The following KCNAB1 variants were observed in gnomAD, a reference collection of about 807,000 sequenced individuals.
KCNAB1 encodes voltage-gated potassium channel subunit beta-1.
KCNAB1 carries 35 observed loss-of-function variants against 64.6 expected under a neutral mutation model. The observed-to-expected ratio is 0.54, with a 90% CI of 0.41 to 0.72. KCNAB1 has a LOEUF of 0.72. Among genes scored for constraint, KCNAB1 ranks in the 30% least tolerant of loss-of-function variants. The pLI, the probability that KCNAB1 is intolerant of heterozygous loss-of-function variation, is 0.00. For missense variants in KCNAB1, 401 were observed against 512.9 expected (o/e 0.78, Z 2.11); for synonymous variants, 177 against 183.8 (o/e 0.96, Z 0.30).
chr3:156,504,320 C>A (rs1716664963), intron 8 of KCNAB1, among the ~76,000 whole-genome samples: 1 of 152,084 alleles, frequency 6.6e-6, no homozygotes, highest in South Asian at 2.1e-4. Context: ...TGTTGATGAA[C>A]ACTTAGGTTG....
chr3:156,314,174 A>G (rs1256470573), intron 1 of KCNAB1, among the ~76,000 whole-genome samples: 3 of 152,356 alleles, frequency 2.0e-5, no homozygotes, highest in East Asian at 1.9e-4. Flanking sequence ...AGCATATGCT[A>G]TATACTGGGC....
intron 1 of KCNAB1, among the ~76,000 whole-genome samples, chr3:156,299,123 T>A (rs2107983609): frequency 6.6e-6 from 1 of 152,324 alleles, no homozygotes; most frequent in East Asian, 1.9e-4. Context: ...CAAAGTGAGG[T>A]CCTGACTCCA....
intron 1 of KCNAB1, among the ~76,000 whole-genome samples, chr3:156,204,747 C>T (rs893694625): frequency 6.6e-6 from 1 of 152,074 alleles, no homozygotes; most frequent in East Asian, 1.9e-4. Flanking sequence ...GCACGAGAAT[C>T]GTTGGAACCC....
chr3:156,383,232 T>C (rs1486637240), intron 1 of KCNAB1, among the ~76,000 whole-genome samples: 4 of 152,208 alleles, frequency 2.6e-5, no homozygotes, highest in Non-Finnish European at 4.4e-5. Flanking sequence ...TTCCCAAGGG[T>C]CAATTCAAGT....
intron 1 of KCNAB1, among the ~76,000 whole-genome samples, chr3:156,419,518 A>G (rs1715329258): frequency 6.6e-6 from 1 of 151,832 alleles, no homozygotes; most frequent in Non-Finnish European, 1.5e-5. Flanking sequence ...AAGAAAAAAA[A>G]AAAAAAAGAA....
chr3:156,243,117 T>C (rs1252492399), intron 1 of KCNAB1, among the ~76,000 whole-genome samples: 1 of 151,550 alleles, frequency 6.6e-6, no homozygotes, highest in Admixed American at 6.6e-5. Flanking sequence ...ACCATGTTGG[T>C]CAGGCTGGTC....
intron 1 of KCNAB1, among the ~76,000 whole-genome samples, chr3:156,177,840 A>C (rs1401602020): frequency 1.3e-5 from 2 of 151,888 alleles, no homozygotes; most frequent in African/African-American, 4.8e-5. Context: ...TGCCGGGTTC[A>C]AACGATTCTC....
At chr3:156,181,182 C>A (rs1712788921) in intron 1 of KCNAB1, among the ~76,000 whole-genome samples, 1 of 152,174 alleles carries the variant, frequency 6.6e-6, no homozygotes, top group Admixed American at 6.5e-5. Context: ...CAAGCACATT[C>A]TGACATACTG....
intron 8 of KCNAB1, among the ~76,000 whole-genome samples, chr3:156,510,820 C>A (rs1018531610): frequency 6.6e-6 from 1 of 152,214 alleles, no homozygotes; most frequent in Non-Finnish European, 1.5e-5. Context: ...GTGCCCTCTG[C>A]TCTTGGTCTG....
At chr3:156,130,247 C>T (rs1276543008) in intron 1 of KCNAB1, among the ~76,000 whole-genome samples, 4 of 152,226 alleles carry the variant, frequency 2.6e-5, no homozygotes, top group Non-Finnish European at 1.5e-5. Context: ...ATGGGCTCTA[C>T]GTCAGCTTAG....
At chr3:156,461,829 CTAT>C (rs1287692983) in intron 5 of KCNAB1, among the ~76,000 whole-genome samples, 2 of 152,158 alleles carry the variant, frequency 1.3e-5, no homozygotes, top group Non-Finnish European at 2.9e-5. Context: ...AAAACTCAAG[CTAT>C]TATTATACTC....
chr3:156,354,663 C>G (rs1291514310), intron 1 of KCNAB1, among the ~76,000 whole-genome samples: 1 of 148,662 alleles, frequency 6.7e-6, no homozygotes, highest in Non-Finnish European at 1.5e-5. Context: ...CAGATGCTGT[C>G]TCTAATGGAG....
chr3:156,449,716 A>G (rs114943111), intron 2 of KCNAB1, among the ~76,000 whole-genome samples: 2,962 of 152,310 alleles, frequency 0.019, 90 homozygotes, highest in African/African-American at 0.068. Context: ...TGGTATCTTC[A>G]TTTCTGGAAA....
chr3:156,516,727 G>A (rs543833360), intron 11 of KCNAB1, among the ~76,000 whole-genome samples: 21 of 152,158 alleles, frequency 1.4e-4, no homozygotes, highest in Non-Finnish European at 2.8e-4. Context: ...CTATATAAGA[G>A]GATTCTTACA....
At chr3:156,407,398 T>C (rs929179243) in intron 1 of KCNAB1, among the ~76,000 whole-genome samples, 1 of 152,238 alleles carries the variant, frequency 6.6e-6, no homozygotes, top group Non-Finnish European at 1.5e-5. Flanking sequence ...TAAGTTTTCA[T>C]AGCACCTATC....
At chr3:156,472,724 G>A (rs1012743137) in intron 7 of KCNAB1, among the ~76,000 whole-genome samples, 3 of 152,160 alleles carry the variant, frequency 2.0e-5, no homozygotes, top group African/African-American at 7.2e-5. Flanking sequence ...TACATATTAC[G>A]ACCTTGAACA....
At chr3:156,249,562 A>G (rs1560157907) in intron 1 of KCNAB1, among the ~76,000 whole-genome samples, 1 of 8,208 alleles carries the variant, frequency 1.2e-4, no homozygotes, top group East Asian at 0.083. Context: ...ACTCTGTCTA[A>G]AAAAAAAAGA....
intron 1 of KCNAB1, among the ~76,000 whole-genome samples, chr3:156,319,024 A>G (rs994146725): frequency 3.3e-4 from 50 of 152,232 alleles, no homozygotes; most frequent in African/African-American, 1.2e-3. Flanking sequence ...AAAAATAAAT[A>G]CAAAAACAAA....
chr3:156,296,097 A>T (rs1720757762), intron 1 of KCNAB1, among the ~76,000 whole-genome samples: 1 of 152,194 alleles, frequency 6.6e-6, no homozygotes, highest in East Asian at 1.9e-4. Flanking sequence ...AGATTTCATT[A>T]CACTGTGTTA....
Sources: gnomAD v4.1 joint callset for allele counts (sites outside exome capture counted in the v4.1 genomes callset) on GRCh38, gnomAD v4.1.1 for gene constraint, MANE v1.5 for transcripts, NCBI Gene and HGNC (gene_info 2026-07-23, HGNC 2026-07-21) for gene names.